The following PTPRQ variants were observed in gnomAD, a reference collection of about 807,000 sequenced individuals.
PTPRQ encodes phosphatidylinositol phosphatase PTPRQ.
A neutral mutation model predicts 246.0 loss-of-function variants in PTPRQ; 199 were observed. That is an observed-to-expected ratio of 0.81 (90% CI 0.72 to 0.91). The LOEUF (loss-of-function observed/expected upper bound fraction) is 0.91, where lower values mean the gene tolerates loss of function less well. PTPRQ is among the 40% of genes least tolerant of loss of function. The pLI is 0.00. For synonymous variants in PTPRQ, 869 were observed against 853.2 expected (o/e 1.02, Z -0.32); for missense variants, 2,624 against 2,528.4 (o/e 1.04, Z -0.81).
chr12:80,447,069 G>A, intron 3 of PTPRQ, among the ~76,000 whole-genome samples: 1 of 151,978 alleles, frequency 6.6e-6, no homozygotes, highest in Non-Finnish European at 1.5e-5. Context: ...ACTGCCATCT[G>A]TTTTTTTGAC....
intron 6 of PTPRQ, chr12:80,462,375 G>A (rs1032939056): frequency 1.0e-5 from 2 of 192,936 alleles, no homozygotes; most frequent in Non-Finnish European, 1.1e-5. Context: ...CTCCAACTGG[G>A]TGGAGCCCAC....
intron 25 of PTPRQ, among the ~76,000 whole-genome samples, chr12:80,550,471 C>T (rs1442332874): frequency 6.6e-6 from 1 of 152,150 alleles, no homozygotes; most frequent in Non-Finnish European, 1.5e-5. Flanking sequence ...TGCCTTCTCT[C>T]TGATTTCAGC....
chr12:80,499,234 C>A (rs541791272), intron 14 of PTPRQ, among the ~76,000 whole-genome samples: 42 of 152,084 alleles, frequency 2.8e-4, no homozygotes, highest in Non-Finnish European at 4.0e-4. Flanking sequence ...GGCTTCCTAG[C>A]CAGGCCTAAC....
At position 80,620,332 on chromosome 12, in the gene PTPRQ, A is replaced by C. The variant is rs1898932483; in HGVS notation, c.5568A>C (p.Glu1856Asp). ...ADNACMIPGN[E>D]DKICNGPLKP... is the part of the protein sequence containing the mutation. Reference sequence around the variant, plus strand: ...ATGCATGCATGATTCCTGGCAATGAAGACAAAATTTGCAATGGACCACTGA... The same window carrying C: ...ATGCATGCATGATTCCTGGCAATGACGACAAAATTTGCAATGGACCACTGA... The change falls in exon 32 of 45, where the codon GAA becomes GAC. Residue 1856 changes from glutamate to aspartate, a missense_variant. Coordinates refer to ENST00000644991, the MANE Select transcript of PTPRQ (RefSeq NM_001145026.2). 6.5e-7 allele frequency: 1 copy of C among 1,549,430 alleles called. No individual in the cohort carries two copies. Among genetic ancestry groups the C allele is most frequent in the Non-Finnish European group, 8.7e-7 (1 of 1,145,500 alleles).
rs954844335 is a variant in PTPRQ at position 80,496,012 on chromosome 12, C to T, written c.1896C>T (p.Tyr632=). Residue 632 remains tyrosine, a synonymous_variant, in exon 13 of 45, where the codon TAC becomes TAT. Transcript: ENST00000644991. ...NSFLITGLKK[Y]TKYKMRVAAS... ...TTGTCCTTATAGGGTTAAAGAAATA[C>T]ACAAAATACAAAATGAGAGTGGCAG... 4 of 1,549,424 alleles carry T rather than the reference C, an allele frequency of 2.6e-6. No individual in the cohort carries two copies. The Admixed American group carries it at 5.9e-5, about 23-fold the overall frequency.
chr12:80,645,784 G>T (rs1212277528), intron 35 of PTPRQ, among the ~76,000 whole-genome samples: 1 of 152,066 alleles, frequency 6.6e-6, no homozygotes, highest in African/African-American at 2.4e-5. Flanking sequence ...TACGAAGAAT[G>T]CCTGGAATGG....
chr12:80,541,270 C>T (rs536201435), intron 20 of PTPRQ, among the ~76,000 whole-genome samples: 7 of 151,976 alleles, frequency 4.6e-5, no homozygotes, highest in African/African-American at 1.4e-4. Context: ...TGCACACACA[C>T]GCACACACAC....
intron 2 of PTPRQ, 50 bp downstream of exon 2, chr12:80,444,899 A>G (rs1892507039): frequency 1.0e-5 from 15 of 1,449,786 alleles, no homozygotes; most frequent in Non-Finnish European, 1.3e-5. Context: ...TGGAGTCAGT[A>G]TAATTCTACT....
At chr12:80,595,642 G>A (rs1897944852) in intron 26 of PTPRQ, among the ~76,000 whole-genome samples, 1 of 151,622 alleles carries the variant, frequency 6.6e-6, no homozygotes, top group Non-Finnish European at 1.5e-5. Flanking sequence ...GTATACATGT[G>A]CCATGCTGGT....
intron 16 of PTPRQ, 115 bp from the exon 17 acceptor site, chr12:80,510,208 A>T: frequency 9.1e-7 from 1 of 1,095,828 alleles, no homozygotes; most frequent in East Asian, 3.0e-5. Flanking sequence ...GGAGAAAAGC[A>T]CTGAACCTAA....
chr12:80,566,345 G>A (rs1460946731), intron 25 of PTPRQ, among the ~76,000 whole-genome samples: 3 of 151,922 alleles, frequency 2.0e-5, no homozygotes, highest in African/African-American at 4.8e-5. Flanking sequence ...GGGCATGGTG[G>A]CAGGTGCCTG....
chr12:80,454,416 ACC>A (rs1448191927), intron 3 of PTPRQ: 1 of 463,878 alleles, frequency 2.2e-6, no homozygotes, highest in Non-Finnish European at 3.7e-6. Flanking sequence ...AGTGAGATGA[ACC>A]CGGTACCTCA....
intron 19 of PTPRQ, among the ~76,000 whole-genome samples, chr12:80,535,388 A>G (rs529197346): frequency 7.2e-5 from 11 of 152,094 alleles, no homozygotes; most frequent in Non-Finnish European, 1.2e-4. Flanking sequence ...TTTATCCTCA[A>G]AGTTATTTAT....
rs377051513 is a variant in PTPRQ, at chr12:80,549,662, A to C, written c.4213A>C (p.Lys1405Gln). 149 of 1,551,172 alleles carry C rather than the reference A, an allele frequency of 9.6e-5. 1 individual carries two copies. In the African/African-American group the frequency reaches 1.8e-3, roughly 19 times the overall value. ...KLLANTSYVFKVRASTSAGEG... is the reference protein window; with the variant it reads ...KLLANTSYVFQVRASTSAGEG... ...TCTTGCCAATACCTCATATGTCTTT[A>C]AAGTAAGAGCTTCAACCTCAGCTGG... Residue 1405 changes from lysine (K) to glutamine (Q), a missense_variant, in exon 25 of 45, where the codon AAA (lysine) becomes CAA (glutamine). Coordinates refer to ENST00000644991, the MANE Select transcript of PTPRQ (RefSeq NM_001145026.2).
chr12:80,652,967 T>A, intron 38 of PTPRQ, 133 bp downstream of exon 38: 1 of 1,034,024 alleles, frequency 9.7e-7, no homozygotes, highest in Non-Finnish European at 1.3e-6. Context: ...TGGCAGTGAC[T>A]ACCAAATTAT....
At chr12:80,596,354 TA>T (rs1315147136) in intron 26 of PTPRQ, among the ~76,000 whole-genome samples, 1 of 151,960 alleles carries the variant, frequency 6.6e-6, no homozygotes, top group Non-Finnish European at 1.5e-5. Flanking sequence ...CCTATTTACA[TA>T]AGCAAGTAGA....
chr12:80,546,894 A>G (rs555031162), intron 24 of PTPRQ, 197 bp downstream of exon 24: 153 of 543,962 alleles, frequency 2.8e-4, no homozygotes, highest in African/African-American at 2.2e-3. Flanking sequence ...ATTTTCACAC[A>G]TGGTTTTTCC....
At chr12:80,652,889 A>C (rs1357103413) in intron 38 of PTPRQ, 55 bp downstream of exon 38, 2 of 1,405,152 alleles carry the variant, frequency 1.4e-6, no homozygotes, top group Admixed American at 6.8e-5. Context: ...AATGCCTACC[A>C]TCTTAACTTT....
chr12:80,632,129 G>T, intron 33 of PTPRQ, 63 bp from the exon 34 acceptor site: 1 of 1,507,230 alleles, frequency 6.6e-7, no homozygotes, highest in Admixed American at 2.3e-5. Context: ...TTTTTTGGTA[G>T]TTTGGGATTC....
Sources: gnomAD v4.1 joint callset for allele counts (sites outside exome capture counted in the v4.1 genomes callset) on GRCh38, gnomAD v4.1.1 for gene constraint, MANE v1.5 for transcripts, NCBI Gene and HGNC (gene_info 2026-07-23, HGNC 2026-07-21) for gene names.